BTBD9: variants seen among roughly 807,000 people sequenced by gnomAD.
BTBD9 encodes the protein BTB domain containing 9, also known as BTB/POZ domain-containing protein 9.
Under a neutral mutation model 64.3 loss-of-function variants are expected in BTBD9, and 49 were observed. The observed-to-expected ratio is 0.76, with a 90% CI of 0.61 to 0.97. BTBD9 has a LOEUF of 0.97. Among genes scored for constraint, BTBD9 ranks in the 50% least tolerant of loss-of-function variants. The pLI is 0.00. For missense variants in BTBD9, 598 were observed against 762.1 expected (o/e 0.78, Z 2.53); for synonymous variants, 260 against 274.7 (o/e 0.95, Z 0.53).
At chr6:38,223,302 T>C (rs752655777) in intron 9 of BTBD9, among the ~76,000 whole-genome samples, 3 of 152,154 alleles carry the variant, frequency 2.0e-5, no homozygotes, top group African/African-American at 4.8e-5. Flanking sequence ...CCCTTCTAAA[T>C]ATGGAAAGGT....
chr6:38,324,827 AG>A (rs916374699), intron 7 of BTBD9, among the ~76,000 whole-genome samples: 1 of 152,206 alleles, frequency 6.6e-6, no homozygotes, highest in Non-Finnish European at 1.5e-5. Context: ...ACTAACACAC[AG>A]GTGCAAAGGA....
chr6:38,366,112 T>G (rs908321579), intron 6 of BTBD9, among the ~76,000 whole-genome samples: 1 of 152,164 alleles, frequency 6.6e-6, no homozygotes, highest in African/African-American at 2.4e-5. Context: ...TAACTCAGAA[T>G]TAAAAGAAGA....
chr6:38,592,889 T>C (rs928725567), intron 3 of BTBD9, 49 bp from the exon 4 acceptor site: 1 of 1,577,694 alleles, frequency 6.3e-7, no homozygotes, highest in South Asian at 1.1e-5. Flanking sequence ...GTTCAACCAC[T>C]GCATGACCAA....
At chr6:38,175,920 A>G (rs964302948) in intron 10 of BTBD9, among the ~76,000 whole-genome samples, 10 of 152,230 alleles carry the variant, frequency 6.6e-5, no homozygotes, top group African/African-American at 2.4e-4. Flanking sequence ...CAATGTGTAG[A>G]AGCCAGCCAC....
At chr6:38,589,711 C>A (rs1776705772) in intron 4 of BTBD9, among the ~76,000 whole-genome samples, 1 of 152,170 alleles carries the variant, frequency 6.6e-6, no homozygotes. Flanking sequence ...TGGCCTAATT[C>A]CCTGGCAGCC....
chr6:38,308,216 G>A (rs762017096), intron 7 of BTBD9, among the ~76,000 whole-genome samples: 4 of 152,170 alleles, frequency 2.6e-5, no homozygotes, highest in Non-Finnish European at 4.4e-5. Flanking sequence ...CTGAAGGTGA[G>A]GCCTTGAAAT....
chr6:38,635,318 T>G (rs1335112488), intron 1 of BTBD9, among the ~76,000 whole-genome samples: 1 of 151,994 alleles, frequency 6.6e-6, no homozygotes, highest in Admixed American at 6.6e-5. Context: ...ATATTTTTAG[T>G]AGAGATAGGG....
At position 38,280,666 on chromosome 6, in the gene BTBD9, G is replaced by A. The variant is rs984495017; in HGVS notation, c.1454+7606C>T. 5.3e-5 allele frequency among the ~76,000 whole-genome samples: 8 copies of A among 152,156 alleles called. No individual in the cohort carries two copies. The East Asian group carries it at 5.8e-4, about 11-fold the overall frequency. On this transcript the variant is annotated intron_variant, in intron 8 of 10. Transcript: ENST00000481247. ...CACTCAGACAGAATGAAATGGAAGC[G>A]GCATGGAACAAGTGAGGCAAGCATT...
intron 6 of BTBD9, among the ~76,000 whole-genome samples, chr6:38,494,026 C>T (rs1415695480): frequency 6.6e-6 from 1 of 152,184 alleles, no homozygotes; most frequent in African/African-American, 2.4e-5. Flanking sequence ...TAAGTATGAA[C>T]TGATTTGGCA....
chr6:38,345,171 C>T (rs117046687), intron 6 of BTBD9, 78 bp from the exon 7 acceptor site: 29 of 891,074 alleles, frequency 3.3e-5, no homozygotes, highest in Admixed American at 6.0e-5. Context: ...GAGTAAGACA[C>T]GTCACCTAAA....
chr6:38,621,357 C>A (rs1777974435), intron 1 of BTBD9, among the ~76,000 whole-genome samples: 1 of 152,200 alleles, frequency 6.6e-6, no homozygotes, highest in Non-Finnish European at 1.5e-5. Flanking sequence ...AGCATGACTG[C>A]CAACAAATTG....
At chr6:38,211,401 C>A (rs1762829361) in intron 9 of BTBD9, among the ~76,000 whole-genome samples, 2 of 150,924 alleles carry the variant, frequency 1.3e-5, no homozygotes, top group South Asian at 4.2e-4. Flanking sequence ...TGCACTCCAG[C>A]CTGGGCAAAA....
At chr6:38,593,900 T>G (rs1776922957) in intron 3 of BTBD9, 64 bp downstream of exon 3, 3 of 1,336,770 alleles carry the variant, frequency 2.2e-6, no homozygotes, top group Non-Finnish European at 3.1e-6. Context: ...TTGCTATACT[T>G]CTACAGTATA....
At position 38,171,986 on chromosome 6, in the gene BTBD9, C is replaced by T. The variant is rs1278917631; in HGVS notation, c.*2999G>A. 2.0e-5 allele frequency: 3 copies of T among 151,826 alleles called. No individual in the cohort carries two copies. The highest frequency in any genetic ancestry group is 2.0e-4 in the Admixed American group (3 of 15,252). 9.4% of individuals were successfully genotyped at this position (151,826 alleles called of 1,614,324 possible). A position where few individuals can be genotyped will look rare whatever the true frequency, so the allele number is the denominator to read the frequency against. On this transcript the variant is annotated 3_prime_UTR_variant, in exon 11 of 11. Coordinates refer to ENST00000481247, the MANE Select transcript of BTBD9 (RefSeq NM_001099272.2). Reference sequence around the variant, plus strand: ...GGTGGTGACCATGGCGCCCTTGTGTCCTTTCCATTGGTTACTGAGGACCAT... The same window carrying T: ...GGTGGTGACCATGGCGCCCTTGTGTTCTTTCCATTGGTTACTGAGGACCAT...
intron 6 of BTBD9, among the ~76,000 whole-genome samples, chr6:38,453,046 T>A (rs1769627397): frequency 2.0e-5 from 3 of 152,096 alleles, no homozygotes; most frequent in Admixed American, 2.0e-4. Context: ...AGCTAATAGG[T>A]CTCATCTGTT....
intron 6 of BTBD9, among the ~76,000 whole-genome samples, chr6:38,362,984 G>A (rs189915523): frequency 7.2e-5 from 11 of 152,108 alleles, no homozygotes; most frequent in African/African-American, 2.7e-4. Flanking sequence ...AGGAGAAAAC[G>A]GGAAAAAAAG....
chr6:38,197,793 C>T (rs1762314159), intron 9 of BTBD9, among the ~76,000 whole-genome samples: 1 of 152,190 alleles, frequency 6.6e-6, no homozygotes, highest in Admixed American at 6.5e-5. Flanking sequence ...AAACAGAAGC[C>T]TTGCTCAAAA....
chr6:38,377,340 A>C (rs2127611445), intron 6 of BTBD9, among the ~76,000 whole-genome samples: 1 of 152,292 alleles, frequency 6.6e-6, no homozygotes, highest in South Asian at 2.1e-4. Flanking sequence ...ATTGGAAACA[A>C]TTACTTACAA....
intron 6 of BTBD9, among the ~76,000 whole-genome samples, chr6:38,374,408 CATT>C (rs1353000236): frequency 6.9e-6 from 1 of 144,948 alleles, no homozygotes; most frequent in African/African-American, 2.6e-5. Context: ...TTCAGAGGTA[CATT>C]AATATTCAGA....
Sources: allele counts gnomAD v4.1 joint callset (sites outside exome capture counted in the v4.1 genomes callset), GRCh38; gene constraint gnomAD v4.1.1; transcripts MANE v1.5; gene names NCBI Gene and HGNC (gene_info 2026-07-23, HGNC 2026-07-21).